Variants in CDK16 observed in about 807,000 individuals in gnomAD.
The protein encoded by CDK16 is cyclin dependent kinase 16, also known as cyclin-dependent kinase 16.
Under a neutral mutation model 41.6 loss-of-function variants are expected in CDK16, and 2 were observed. The ratio of observed to expected loss-of-function variants is 0.05; its 90% CI spans 0.02 to 0.15. The LOEUF is 0.15. Among genes scored for constraint, CDK16 ranks in the 10% least tolerant of loss-of-function variants. The pLI is 1.00. For synonymous variants in CDK16, 169 were observed against 169.7 expected (o/e 1.00, Z 0.03); for missense variants, 228 against 428.9 (o/e 0.53, Z 4.14).
At chrX:47,220,575 G>A (rs1317409165) in intron 1 of CDK16, among the ~76,000 whole-genome samples, 1 of 109,763 alleles carries the variant, frequency 9.1e-6, no homozygotes, top group Admixed American at 9.7e-5. Flanking sequence ...GCGGAATAGG[G>A]CTGAGTAAGG....
At position 47,223,765 on chromosome X, in the gene CDK16, T is replaced by TC; in HGVS notation, c.202+8dup. ...CCCACTCAGCTCTGCACCAGGTGGG[T>TC]CCACTGGCTATCCCCTCTCCCATAT... is the stretch of plus-strand genomic sequence containing the variant. On this transcript the variant is annotated splice_region_variant and intron_variant, in intron 2 of 15. Transcript: ENST00000357227. 8.4e-7 allele frequency: 1 copy of TC among 1,197,527 alleles called. No homozygotes were observed. The highest frequency in any genetic ancestry group is 3.0e-5 in the East Asian group (1 of 33,460).
chrX:47,219,228 G>A (rs1937223739), intron 1 of CDK16, 123 bp downstream of exon 1: 1 of 676,185 alleles, frequency 1.5e-6, no homozygotes, highest in Non-Finnish European at 1.8e-6. Context: ...TTCCCAGAAT[G>A]CACCGGGGCG....
upstream of CDK16, chrX:47,218,641 G>A (rs781902655): frequency 2.6e-6 from 3 of 1,166,920 alleles, no homozygotes; most frequent in Non-Finnish European, 2.3e-6. Flanking sequence ...CTGCGGACGG[G>A]TCCTTTGGTA....
chrX:47,227,040 G>T lies in CDK16; in HGVS notation c.1182G>T (p.Glu394Asp). ...GGCCAGGCATCCTGTCCAACGAGGAGTTCAAGACATACAACTACCCCAAGT... is the reference window on the plus strand; with the variant it reads ...GGCCAGGCATCCTGTCCAACGAGGATTTCAAGACATACAACTACCCCAAGT... ...ETWPGILSNE[E>D]FKTYNYPKYR... The change falls in exon 12 of 16, where the codon GAG becomes GAT. Residue 394 changes from glutamate (E) to aspartate (D), a missense_variant. By Grantham distance (45) the Glu-to-Asp change is conservative (BLOSUM62 2). This residue lies in a region of CDK16 where 91 missense variants were observed against 129.5 expected (regional missense o/e 0.70). Coordinates refer to ENST00000357227, the MANE Select transcript of CDK16 (RefSeq NM_006201.5). 1 of 1,212,117 alleles carries T rather than the reference G, an allele frequency of 8.3e-7. No homozygotes were observed. The highest frequency in any genetic ancestry group is 3.0e-5 in the East Asian group (1 of 33,859).
At chrX:47,220,291 C>T (rs1233400783) in intron 1 of CDK16, among the ~76,000 whole-genome samples, 1 of 99,593 alleles carries the variant, frequency 1.0e-5, no homozygotes, top group Non-Finnish European at 2.0e-5. Context: ...GGGTGCTACT[C>T]GGGGGTAGGG....
intron 1 of CDK16, 75 bp from the exon 2 acceptor site, chrX:47,223,477 G>A (rs1937436295): frequency 9.3e-7 from 1 of 1,078,453 alleles, no homozygotes. Context: ...CTGCTAGGCT[G>A]TGGGCTTTAG....
Position 47,218,930 on chromosome X carries a change from C to T in CDK16, c.-182C>T. 5 of 1,011,377 alleles carry T rather than the reference C, an allele frequency of 4.9e-6. No individual in the cohort carries two copies. The highest frequency in any genetic ancestry group is 6.3e-6 in the Non-Finnish European group (5 of 795,326). 83.3% of individuals were successfully genotyped at this position (1,011,377 alleles called of 1,213,427 possible). On this transcript the variant is annotated 5_prime_UTR_variant, in exon 1 of 16. Coordinates refer to ENST00000357227, the MANE Select transcript of CDK16 (RefSeq NM_006201.5). ...CCTCAGCCACCGCCGCCGCCGCCGCCTCCTCCTCCTCAGCCGGCGGCGGCC... is the reference window on the plus strand; with the variant it reads ...CCTCAGCCACCGCCGCCGCCGCCGCTTCCTCCTCCTCAGCCGGCGGCGGCC...
At chrX:47,218,332 C>T (rs1937169153), upstream of CDK16, 3 of 264,102 alleles carry the variant, frequency 1.1e-5, no homozygotes, top group Non-Finnish European at 2.0e-5. Flanking sequence ...TTCTCGCGAA[C>T]CTTTAAAATG....
rs759000534 is a variant in CDK16, at chrX:47,228,713, C to G, written c.1454-18C>G. The G allele has an allele frequency of 8.3e-7, 1 of 1,207,947 alleles. No individual in the cohort carries two copies. Among genetic ancestry groups the G allele is most frequent in the Non-Finnish European group, 1.1e-6 (1 of 893,703 alleles). ...CTGCTTACCCACCAACAGCCATCTGCTCTGCTTTCCCCCACAGGCAGGCCA... is the reference window on the plus strand; with the variant it reads ...CTGCTTACCCACCAACAGCCATCTGGTCTGCTTTCCCCCACAGGCAGGCCA... On this transcript the variant is annotated intron_variant, in intron 15 of 15. Coordinates refer to ENST00000357227, the MANE Select transcript of CDK16 (RefSeq NM_006201.5).
rs770220951 is a variant in CDK16, at chrX:47,227,022, C to T, written c.1164C>T (p.Gly388=). 19 of 1,209,385 alleles carry T rather than the reference C, an allele frequency of 1.6e-5. No homozygotes were observed. Among genetic ancestry groups the T allele is most frequent in the Non-Finnish European group, 2.1e-5 (19 of 894,289 alleles). Reference sequence around the variant, plus strand: ...CCCCAACTGAGGAGACGTGGCCAGGCATCCTGTCCAACGAGGAGTTCAAGA... The same window carrying T: ...CCCCAACTGAGGAGACGTGGCCAGGTATCCTGTCCAACGAGGAGTTCAAGA... The part of the protein sequence containing the change: ...LGTPTEETWP[G]ILSNEEFKTY... The change falls in exon 12 of 16, where the codon GGC becomes GGT. Residue 388 remains glycine (G), a synonymous_variant. Transcript: ENST00000357227.
intron 1 of CDK16, chrX:47,223,067 T>G: frequency 8.7e-7 from 1 of 1,152,930 alleles, no homozygotes; most frequent in Non-Finnish European, 1.1e-6. Flanking sequence ...TAGTCTGCCT[T>G]GGCCTTTGAG....
rs1280595059 is a variant in CDK16, at chrX:47,219,041, GGCCGCCGCCCCAGGC to G, written c.-62_-48del. 4 of 826,503 alleles carry G rather than the reference GGCCGCCGCCCCAGGC, an allele frequency of 4.8e-6. No homozygotes were observed. The highest frequency in any genetic ancestry group is 8.1e-5 in the Admixed American group (1 of 12,369). 68.1% of individuals were successfully genotyped at this position (826,503 alleles called of 1,213,427 possible). A position where few individuals can be genotyped will look rare whatever the true frequency, so the allele number is the denominator to read the frequency against. ...AAGGAGGTCGCGCGGCCTCATCCCG[GGCCGCCGCCCCAGGC>G]GCCGCCGCGCCGGCCCCGCGGCTCT... On this transcript the variant is annotated 5_prime_UTR_variant, in exon 1 of 16. Transcript: ENST00000357227.
Position 47,223,778 on chromosome X carries a change from C to A in CDK16, c.202+19C>A, listed in dbSNP as rs1213489677. ...GCACCAGGTGGGTCCACTGGCTATC[C>A]CCTCTCCCATATGGCCCCAGGCTGC... On this transcript the variant is annotated intron_variant, in intron 2 of 15. Coordinates refer to ENST00000357227, the MANE Select transcript of CDK16 (RefSeq NM_006201.5). The A allele has an allele frequency of 8.5e-7, 1 of 1,181,569 alleles. No homozygotes were observed. Among genetic ancestry groups the A allele is most frequent in the Admixed American group, 2.2e-5 (1 of 44,447 alleles).
Position 47,224,368 on chromosome X carries a change from CCT to C in CDK16, c.203-13_203-12del. ...CTGACCCCACCTGGCCTGCCCTACC[CCT>C]CTCCCTGCCACCAGAGATTGTGCAC... On this transcript the variant is annotated splice_polypyrimidine_tract_variant and intron_variant, in intron 2 of 15. Transcript: ENST00000357227. 1.7e-6 allele frequency: 2 copies of C among 1,175,221 alleles called. No individual in the cohort carries two copies. The highest frequency in any genetic ancestry group is 2.3e-6 in the Non-Finnish European group (2 of 876,431).
chrX:47,225,905 GAGA>G (rs1485917794), intron 7 of CDK16, 39 bp downstream of exon 7: 1 of 1,195,483 alleles, frequency 8.4e-7, no homozygotes, highest in Non-Finnish European at 1.1e-6. Flanking sequence ...GGGAGGTGAG[GAGA>G]AGGCCAGGAG....
At chrX:47,227,289 C>CA in intron 13 of CDK16, 66 bp downstream of exon 13, 1 of 1,110,836 alleles carries the variant, frequency 9.0e-7, no homozygotes, top group Non-Finnish European at 1.2e-6. Flanking sequence ...GGGACCCCCC[C>CA]CCTCAAACCA....
intron 8 of CDK16, 73 bp downstream of exon 8, chrX:47,226,100 AACGGACT>A: frequency 1.8e-6 from 2 of 1,136,810 alleles, no homozygotes; most frequent in Non-Finnish European, 2.4e-6. Flanking sequence ...ATCTCCCAGA[AACGGACT>A]TTTCCCTTTG....
At chrX:47,224,144 G>T (rs763324746) in intron 2 of CDK16, among the ~76,000 whole-genome samples, 46 of 111,204 alleles carry the variant, frequency 4.1e-4, no homozygotes, top group Non-Finnish European at 7.7e-4. Context: ...AGCTCAGCTT[G>T]CCCTTGGAAG....
Position 47,224,854 on chromosome X carries a change from A to G in CDK16, c.483A>G (p.Lys161=). 8.3e-7 allele frequency: 1 copy of G among 1,211,746 alleles called. No individual in the cohort carries two copies. The highest frequency in any genetic ancestry group is 1.7e-5 in the African/African-American group (1 of 57,704). Residue 161 remains lysine, a synonymous_variant, in exon 5 of 16, where the codon AAA becomes AAG. Transcript: ENST00000357227. Reference sequence around the variant, plus strand: ...CACAGTCTGAGATTGGCTTTGGGAAACTGGAGACCTACATTAAGCTGGACA... The same window carrying G: ...CACAGTCTGAGATTGGCTTTGGGAAGCTGGAGACCTACATTAAGCTGGACA... ...RVSLSEIGFG[K]LETYIKLDKL...
Sources: gnomAD v4.1 joint callset for allele counts (sites outside exome capture counted in the v4.1 genomes callset) on GRCh38, gnomAD v4.1.1 for gene constraint, gnomAD v4.1.1 regional missense constraint, MANE v1.5 for transcripts, NCBI Gene and HGNC (gene_info 2026-07-23, HGNC 2026-07-21) for gene names.